Variants in CTNNA3 observed in about 807,000 individuals in gnomAD.
The protein encoded by CTNNA3 is catenin alpha 3.
In CTNNA3, 76 loss-of-function variants were observed where a neutral mutation model predicts 95.7. That is an observed-to-expected ratio of 0.79 (90% CI 0.66 to 0.96). The LOEUF (loss-of-function observed/expected upper bound fraction) is 0.96, where lower values mean the gene tolerates loss of function less well. CTNNA3 is among the 40% of genes least tolerant of loss of function. CTNNA3 has a pLI of 0.00. For missense variants in CTNNA3, 1,191 were observed against 1,089.8 expected (o/e 1.09, Z -1.31); for synonymous variants, 431 against 374.4 (o/e 1.15, Z -1.74).
chr10:67,620,547 C>A (rs1050719323), intron 2 of CTNNA3, among the ~76,000 whole-genome samples: 56 of 150,886 alleles, frequency 3.7e-4, no homozygotes, highest in African/African-American at 1.4e-3. Context: ...GCATTTATTC[C>A]AATTCCCAGT....
At chr10:66,158,601 T>A (rs1473494559) in intron 13 of CTNNA3, among the ~76,000 whole-genome samples, 2 of 152,138 alleles carry the variant, frequency 1.3e-5, no homozygotes, top group Non-Finnish European at 2.9e-5. Context: ...AGATTTGTTC[T>A]TTTTGCTTAG....
At chr10:65,982,301 C>T (rs960361191) in intron 16 of CTNNA3, among the ~76,000 whole-genome samples, 16 of 151,106 alleles carry the variant, frequency 1.1e-4, no homozygotes, top group African/African-American at 3.9e-4. Context: ...AACGAGATAC[C>T]ACCTTACTCT....
intron 7 of CTNNA3, among the ~76,000 whole-genome samples, chr10:66,788,221 C>T (rs576022362): frequency 3.9e-5 from 6 of 152,112 alleles, no homozygotes; most frequent in African/African-American, 1.2e-4. Context: ...CAAGGGTCAA[C>T]GTTCCCCCTC....
intron 11 of CTNNA3, among the ~76,000 whole-genome samples, chr10:66,497,798 C>A (rs1303656985): frequency 6.6e-6 from 1 of 152,104 alleles, no homozygotes; most frequent in African/African-American, 2.4e-5. Flanking sequence ...TCTCCACCAT[C>A]TTCCAACATA....
intron 12 of CTNNA3, among the ~76,000 whole-genome samples, chr10:66,299,367 T>A (rs1373952975): frequency 6.6e-6 from 1 of 152,128 alleles, no homozygotes; most frequent in East Asian, 1.9e-4. Context: ...AGTTAAAAAA[T>A]TGTACCATGG....
chr10:67,566,070 T>TATATATATATATATATATAC (rs1193825437), intron 3 of CTNNA3, among the ~76,000 whole-genome samples: 1 of 102,516 alleles, frequency 9.8e-6, no homozygotes, highest in African/African-American at 3.6e-5. Context: ...TATATATATA[T>TATATATATATATATATATAC]ATACAAAACC....
At chr10:66,116,562 G>A (rs947838099) in intron 13 of CTNNA3, among the ~76,000 whole-genome samples, 1 of 152,120 alleles carries the variant, frequency 6.6e-6, no homozygotes, top group African/African-American at 2.4e-5. Context: ...GAATAAATTT[G>A]ATTAAAGCAA....
At chr10:66,084,363 C>A (rs1180534448) in intron 14 of CTNNA3, among the ~76,000 whole-genome samples, 1 of 151,770 alleles carries the variant, frequency 6.6e-6, no homozygotes, top group Non-Finnish European at 1.5e-5. Flanking sequence ...AATACATACA[C>A]CTATCATGTA....
rs1286343345 is a variant in CTNNA3, at chr10:65,920,368, G to T, written c.2650C>A (p.Gln884Lys). The T allele has an allele frequency of 6.2e-7, 1 of 1,613,990 alleles. No homozygotes were observed. Reference sequence around the variant, plus strand: ...CTTCCTCTAAATTCACTCATGACTTGCAATGGATGGATTTTTTTCTTTGCT... The same window carrying T: ...CTTCCTCTAAATTCACTCATGACTTTCAATGGATGGATTTTTTTCTTTGCT... ...GSAKKKIHPL[Q>K]VMSEFRGRQI... The change falls in exon 18 of 18, where the codon CAA becomes AAA. Residue 884 changes from glutamine (Q) to lysine (K), a missense_variant. Physicochemically the swap from Gln to Lys is moderately conservative, Grantham distance 53. Coordinates refer to ENST00000433211, the MANE Select transcript of CTNNA3 (RefSeq NM_013266.4).
At chr10:66,339,130 C>T (rs151145672) in intron 12 of CTNNA3, among the ~76,000 whole-genome samples, 49 of 151,864 alleles carry the variant, frequency 3.2e-4, no homozygotes, top group African/African-American at 1.1e-3. Context: ...TTAAATGTAG[C>T]TAACACATAT....
intron 9 of CTNNA3, among the ~76,000 whole-genome samples, chr10:66,648,393 A>G (rs1845780967): frequency 6.6e-6 from 1 of 152,152 alleles, no homozygotes; most frequent in Non-Finnish European, 1.5e-5. Flanking sequence ...GAAAAAAATT[A>G]ATGTCATGGA....
At chr10:67,030,731 T>C (rs1853665711) in intron 7 of CTNNA3, among the ~76,000 whole-genome samples, 2 of 152,084 alleles carry the variant, frequency 1.3e-5, no homozygotes, top group Non-Finnish European at 2.9e-5. Context: ...ACCGGTCAGA[T>C]GCGGTGGCTC....
chr10:67,475,093 AAAAT>A (rs1288067688), intron 5 of CTNNA3, among the ~76,000 whole-genome samples: 33 of 152,218 alleles, frequency 2.2e-4, no homozygotes, highest in African/African-American at 7.7e-4. Flanking sequence ...TTCAGCCATA[AAAAT>A]AAATAAACTA....
chr10:67,427,671 C>T (rs1263080410), intron 5 of CTNNA3, among the ~76,000 whole-genome samples: 1 of 151,964 alleles, frequency 6.6e-6, no homozygotes, highest in African/African-American at 2.4e-5. Flanking sequence ...CTGTTAAGTG[C>T]AAAGTCTCAT....
chr10:66,170,241 C>CTTTTTTT (rs57644952), intron 13 of CTNNA3, among the ~76,000 whole-genome samples: 41 of 73,338 alleles, frequency 5.6e-4, no homozygotes, highest in East Asian at 8.7e-4. Flanking sequence ...TCCTCATTGT[C>CTTTTTTT]TTTTTTTTTT....
rs764656574 is a variant in CTNNA3, at chr10:67,728,485, G to A, written c.-2+34949C>T. 7.9e-5 allele frequency among the ~76,000 whole-genome samples: 12 copies of A among 151,044 alleles called. No homozygotes were observed. The East Asian group carries it at 1.9e-3, about 24-fold the overall frequency. ...TACATATTTTTTCTTTTTTGAGACA[G>A]AGTCTCGCTCTGTTGCCCAGCTGGA... On this transcript the variant is annotated intron_variant, in intron 1 of 17. Transcript: ENST00000684154.
intron 2 of CTNNA3, among the ~76,000 whole-genome samples, chr10:67,644,614 A>G (rs1839647398): frequency 6.6e-6 from 1 of 152,044 alleles, no homozygotes; most frequent in Non-Finnish European, 1.5e-5. Flanking sequence ...CAGTTATTTT[A>G]AAATATAACT....
At chr10:66,775,869 G>A (rs1173272267) in intron 7 of CTNNA3, among the ~76,000 whole-genome samples, 1 of 152,160 alleles carries the variant, frequency 6.6e-6, no homozygotes, top group Admixed American at 6.6e-5. Context: ...AGCATTAGAT[G>A]CCCAATTTGT....
chr10:67,351,797 T>C (rs1422147337), intron 5 of CTNNA3, among the ~76,000 whole-genome samples: 3 of 152,026 alleles, frequency 2.0e-5, no homozygotes, highest in African/African-American at 7.2e-5. Context: ...CTATGATAAA[T>C]ACTGTTTCCT....
Sources: gnomAD v4.1 joint callset for allele counts (sites outside exome capture counted in the v4.1 genomes callset) on GRCh38, gnomAD v4.1.1 for gene constraint, MANE v1.5 for transcripts, NCBI Gene and HGNC (gene_info 2026-07-23, HGNC 2026-07-21) for gene names.